MPP2: variants seen among roughly 807,000 people sequenced by gnomAD.
MPP2 encodes MAGUK p55 scaffold protein 2.
In MPP2, 42 loss-of-function variants were observed where a neutral mutation model predicts 58.5. That is an observed-to-expected ratio of 0.72 (90% CI 0.56 to 0.93). The LOEUF is 0.93. Ranked by LOEUF, MPP2 falls within the 40% of genes least tolerant of loss-of-function variation. The probability of loss-of-function intolerance (pLI) is 0.00; values close to 1 mark genes in which losing one functional copy is unlikely to be tolerated. For synonymous variants in MPP2, 300 were observed against 307.8 expected, an observed-to-expected ratio of 0.97 and a Z score of 0.26; for missense variants, 632 against 760.4, an observed-to-expected ratio of 0.83 and a Z score of 1.99.
chr17:43,890,102 G>A (rs562853739), intron 3 of MPP2, among the ~76,000 whole-genome samples: 6 of 151,900 alleles, frequency 3.9e-5, no homozygotes, highest in East Asian at 1.9e-4. Flanking sequence ...GTGAGCCACC[G>A]CACCCGGCCG....
intron 3 of MPP2, among the ~76,000 whole-genome samples, chr17:43,885,165 C>T (rs969560729): frequency 6.6e-6 from 1 of 151,868 alleles, no homozygotes; most frequent in South Asian, 2.1e-4. Context: ...TTTCTCCCTA[C>T]CACCTTACTC....
chr17:43,883,221 G>A lies in MPP2; in HGVS notation c.285C>T (p.Leu95=), dbSNP rs750563101. 1.2e-6 allele frequency: 2 copies of A among 1,607,332 alleles called. No homozygotes were observed. Among genetic ancestry groups the A allele is most frequent in the East Asian group, 4.5e-5 (2 of 44,714 alleles). ...CAGGAACCTGGAAGTGGGGCTCCTG[G>A]AGGATGTGGGCCAGCTCGGCGGCTG... The part of the protein sequence containing the change: ...SSTAAELAHI[L]QEPHFQSLLE... Residue 95 remains leucine, a synonymous_variant, in exon 4 of 13, where the codon CTC becomes CTT. Transcript: ENST00000269095.
At chr17:43,886,715 A>G (rs231515) in intron 3 of MPP2, among the ~76,000 whole-genome samples, 121,774 of 152,076 alleles carry the variant, frequency 0.8, 49,772 homozygotes, top group East Asian at 1. Context: ...ATTTTCTTGA[A>G]GCTCACCACC....
intron 4 of MPP2, 30 bp from the exon 5 acceptor site, chr17:43,883,082 T>C (rs768420489): frequency 1.4e-5 from 23 of 1,592,990 alleles, no homozygotes; most frequent in African/African-American, 5.4e-5. Flanking sequence ...GAAGGGACAA[T>C]GGGGCAGTGT....
intron 2 of MPP2, chr17:43,900,415 G>GGAA: frequency 6.5e-7 from 1 of 1,534,314 alleles, no homozygotes; most frequent in South Asian, 1.2e-5. Context: ...CTCTGCTGGA[G>GGAA]GAAGGTAGGC....
rs189609688 is a variant in MPP2 at position 43,885,555 on chromosome 17, T to C, written c.151-2200A>G. Among the ~76,000 whole-genome samples, 6 of 152,352 alleles carry C rather than the reference T, an allele frequency of 3.9e-5. No individual in the cohort carries two copies. The East Asian group carries it at 9.6e-4, about 24-fold the overall frequency. ...GCTCCAAATAAAATTAAAGGATTTT[T>C]CTCATCTTCCCCCATTCCATATTTG... On this transcript the variant is annotated intron_variant, in intron 3 of 12. Transcript: ENST00000269095.
chr17:43,903,186 G>A (rs1473679802), intron 2 of MPP2, among the ~76,000 whole-genome samples: 1 of 151,232 alleles, frequency 6.6e-6, no homozygotes, highest in Non-Finnish European at 1.5e-5. Flanking sequence ...TGAGGCAGGA[G>A]AATCACTTGA....
At chr17:43,884,949 C>T (rs1163588819) in intron 3 of MPP2, among the ~76,000 whole-genome samples, 1 of 151,982 alleles carries the variant, frequency 6.6e-6, no homozygotes, top group Non-Finnish European at 1.5e-5. Context: ...GGTGAAACCC[C>T]GTTTCTACTA....
In MPP2 at chr17:43,880,846, T is replaced by C. The variant is rs868258635; in HGVS notation, c.995A>G (p.Asp332Gly). ...CTCATAAATGAGCAGCTCATGACGGTCAAACTCTGGACACAGGGAGATGGC... is the reference window on the plus strand; with the variant it reads ...CTCATAAATGAGCAGCTCATGACGGCCAAACTCTGGACACAGGGAGATGGC... The part of the protein sequence containing the change: ...MYLTTKNAEF[D>G]RHELLIYEEV... The change falls in exon 10 of 13, where the codon GAC becomes GGC. Residue 332 changes from aspartate to glycine, a missense_variant. Transcript: ENST00000269095. This position sits in a 1 kb window ranked among gnomAD's most constrained non-coding sequence, Gnocchi z 5.2. The C allele has an allele frequency of 6.3e-7, 1 of 1,599,670 alleles. No individual in the cohort carries two copies. Among genetic ancestry groups the C allele is most frequent in the Non-Finnish European group, 8.5e-7 (1 of 1,171,194 alleles).
intron 2 of MPP2, among the ~76,000 whole-genome samples, chr17:43,902,930 T>A (rs189736578): frequency 6.3e-4 from 96 of 152,286 alleles, no homozygotes; most frequent in Middle Eastern, 3.4e-3. Context: ...TGTGCATGGA[T>A]GTATATGTCT....
intron 2 of MPP2, chr17:43,901,138 C>T: frequency 4.6e-6 from 2 of 432,924 alleles, no homozygotes; most frequent in South Asian, 9.7e-5. Context: ...AGCCCTCCAC[C>T]GGGAGGCAGC....
Position 43,879,136 on chromosome 17 carries a change from A to G in MPP2, c.1482+139T>C, listed in dbSNP as rs543183563. ...CCCCTTCCACATCTATGCAGGGGGG[A>G]CCACGTCCTGCCTCACTGATAACTG... On this transcript the variant is annotated intron_variant, in intron 12 of 12. Transcript: ENST00000269095. The surrounding 1 kb of genome is among the most constrained non-coding windows in gnomAD (Gnocchi z 4.1). 1.2e-5 allele frequency: 13 copies of G among 1,072,100 alleles called. No individual in the cohort carries two copies. The highest frequency in any genetic ancestry group is 1.8e-5 in the Non-Finnish European group (13 of 736,764). 66.4% of individuals were successfully genotyped at this position (1,072,100 alleles called of 1,614,324 possible).
upstream of MPP2, chr17:43,909,551 G>A (rs898907019): frequency 2.2e-5 from 32 of 1,455,196 alleles, no homozygotes; most frequent in African/African-American, 8.6e-5. Context: ...CCTCCATAGC[G>A]ACCCACATCA....
At chr17:43,885,837 G>A (rs231516) in intron 3 of MPP2, among the ~76,000 whole-genome samples, 120,241 of 152,084 alleles carry the variant, frequency 0.79, 48,834 homozygotes, top group East Asian at 1. Flanking sequence ...AAGGCCAGGC[G>A]CAGTGGCTCA....
intron 2 of MPP2, chr17:43,900,496 A>G: frequency 5.2e-6 from 8 of 1,547,544 alleles, no homozygotes; most frequent in Non-Finnish European, 7.0e-6. Flanking sequence ...CCGCTTCCTC[A>G]GAAGACTCCA....
At position 43,879,031 on chromosome 17, in the gene MPP2, C is replaced by T. The variant is rs1027117399; in HGVS notation, c.1482+244G>A. 2.0e-5 allele frequency among the ~76,000 whole-genome samples: 3 copies of T among 152,322 alleles called. No homozygotes were observed. The highest frequency in any genetic ancestry group is 7.2e-5 in the African/African-American group (3 of 41,576). On this transcript the variant is annotated intron_variant, in intron 12 of 12. Transcript: ENST00000269095. The surrounding 1 kb of genome is among the most constrained non-coding windows in gnomAD (Gnocchi z 4.1). ...CTGCAGAGTGGGCTGAGCCGGGGGC[C>T]TTGAGTCAGAAGCACATGTATCCCA...
chr17:43,892,571 C>T (rs747216695), intron 3 of MPP2, among the ~76,000 whole-genome samples: 7 of 151,928 alleles, frequency 4.6e-5, no homozygotes, highest in Non-Finnish European at 8.8e-5. Flanking sequence ...CTCAGGTAGG[C>T]TCCTTTATGG....
intron 1 of MPP2, 112 bp from the exon 2 acceptor site, chr17:43,904,605 C>G: frequency 1.2e-6 from 1 of 829,460 alleles, no homozygotes; most frequent in African/African-American, 1.7e-5. Flanking sequence ...GAAGGTGCTG[C>G]CCAGAAAGTG....
rs1043982703 is a variant in MPP2, at chr17:43,880,460, A to C, written c.1150+231T>G. Among the ~76,000 whole-genome samples the C allele has an allele frequency of 2.6e-5, 4 of 152,200 alleles. No individual in the cohort carries two copies. The highest frequency in any genetic ancestry group is 2.6e-4 in the Admixed American group (4 of 15,288). On this transcript the variant is annotated intron_variant, in intron 10 of 12. Coordinates refer to ENST00000269095, the MANE Select transcript of MPP2 (RefSeq NM_005374.5). This position sits in a 1 kb window ranked among gnomAD's most constrained non-coding sequence, Gnocchi z 5.2. ...TTAGCAAGTGAAACAAGAGAAGGAA[A>C]GTGGACGCCAGCCCAGCCCGCTAGG...
Sources: gnomAD v4.1 joint callset for allele counts (sites outside exome capture counted in the v4.1 genomes callset) on GRCh38, gnomAD v4.1.1 for gene constraint, Gnocchi (gnomAD v3.1) non-coding constraint, MANE v1.5 for transcripts, NCBI Gene and HGNC (gene_info 2026-07-23, HGNC 2026-07-21) for gene names.